Variants in EXT1 observed in about 807,000 individuals in gnomAD.
The protein encoded by EXT1 is exostosin glycosyltransferase 1.
In EXT1, 20 loss-of-function variants were observed where a neutral mutation model predicts 82.5. The observed-to-expected ratio is 0.24, with a 90% CI of 0.17 to 0.35. EXT1 has a LOEUF of 0.35. Ranked by LOEUF, EXT1 falls within the 10% of genes least tolerant of loss-of-function variation. EXT1 has a pLI of 1.00. For missense variants in EXT1, 757 were observed against 936.5 expected (o/e 0.81, Z 2.50); for synonymous variants, 348 against 350.8 (o/e 0.99, Z 0.09).
chr8:117,918,772 A>T (rs1206039109), intron 1 of EXT1, among the ~76,000 whole-genome samples: 1 of 152,226 alleles, frequency 6.6e-6, no homozygotes, highest in Non-Finnish European at 1.5e-5. Context: ...CATGGAATGG[A>T]AAAACAACCA....
chr8:118,022,289 T>C (rs2129859592), intron 1 of EXT1, among the ~76,000 whole-genome samples: 1 of 149,884 alleles, frequency 6.7e-6, no homozygotes, highest in Admixed American at 6.7e-5. Context: ...AGGCAATATA[T>C]TAAAAAAAGA....
At chr8:117,817,218 C>A in intron 7 of EXT1, among the ~76,000 whole-genome samples, 1 of 152,156 alleles carries the variant, frequency 6.6e-6, no homozygotes, top group Non-Finnish European at 1.5e-5. Flanking sequence ...ACACAGTAGG[C>A]ACTCATAAAT....
intron 1 of EXT1, among the ~76,000 whole-genome samples, chr8:117,933,470 T>A (rs1330003623): frequency 6.6e-6 from 1 of 152,160 alleles, no homozygotes; most frequent in Non-Finnish European, 1.5e-5. Context: ...GTTCTCCAAA[T>A]CGTGACCTCA....
intron 1 of EXT1, among the ~76,000 whole-genome samples, chr8:117,856,745 T>C (rs1336139086): frequency 6.6e-6 from 1 of 152,100 alleles, no homozygotes; most frequent in Non-Finnish European, 1.5e-5. Flanking sequence ...ATAAGATCAT[T>C]GATGAGGTGG....
intron 1 of EXT1, among the ~76,000 whole-genome samples, chr8:117,876,887 A>G (rs1812981214): frequency 6.6e-6 from 1 of 152,212 alleles, no homozygotes; most frequent in Non-Finnish European, 1.5e-5. Context: ...ACAAAATTGT[A>G]AAGGAATGTC....
At chr8:118,073,653 AG>A (rs1389145925) in intron 1 of EXT1, among the ~76,000 whole-genome samples, 1 of 127,318 alleles carries the variant, frequency 7.9e-6, no homozygotes, top group African/African-American at 2.9e-5. Flanking sequence ...AGAAGAGAAG[AG>A]AAGAGAAGAG....
intron 1 of EXT1, among the ~76,000 whole-genome samples, chr8:117,872,397 TA>T (rs879878821): frequency 9.3e-4 from 135 of 145,094 alleles, no homozygotes; most frequent in Admixed American, 1.4e-3. Context: ...ACTTGTGGAT[TA>T]AAAAAAAAAA....
At chr8:118,107,153 T>C (rs919308607) in intron 1 of EXT1, among the ~76,000 whole-genome samples, 1 of 152,092 alleles carries the variant, frequency 6.6e-6, no homozygotes, top group African/African-American at 2.4e-5. Flanking sequence ...AACATTTGTA[T>C]ATACTCTATA....
chr8:118,089,192 A>C (rs888413590), intron 1 of EXT1, among the ~76,000 whole-genome samples: 2 of 152,194 alleles, frequency 1.3e-5, no homozygotes, highest in Non-Finnish European at 2.9e-5. Context: ...ATAAGCATTT[A>C]AATTAGTTTT....
chr8:117,929,028 T>C (rs555743620), intron 1 of EXT1, among the ~76,000 whole-genome samples: 2 of 152,284 alleles, frequency 1.3e-5, no homozygotes, highest in Non-Finnish European at 2.9e-5. Flanking sequence ...TAAGTCTGAA[T>C]CCTTTCTCAT....
chr8:118,082,326 C>T (rs1817347449), intron 1 of EXT1, among the ~76,000 whole-genome samples: 1 of 152,196 alleles, frequency 6.6e-6, no homozygotes, highest in South Asian at 2.1e-4. Flanking sequence ...GAACAATTCT[C>T]ATGTAAGTTT....
chr8:118,068,989 T>A (rs1415413363), intron 1 of EXT1, among the ~76,000 whole-genome samples: 18 of 152,310 alleles, frequency 1.2e-4, no homozygotes, highest in Non-Finnish European at 4.4e-5. Flanking sequence ...GCTAATCTGC[T>A]GGAGAGGCCT....
intron 1 of EXT1, among the ~76,000 whole-genome samples, chr8:117,996,401 G>A (rs1259135378): frequency 6.6e-6 from 1 of 152,196 alleles, no homozygotes; most frequent in Admixed American, 6.5e-5. Flanking sequence ...GTTGCCCTAT[G>A]GCCATGTACG....
At position 118,111,640 on chromosome 8, in the gene EXT1, G is replaced by A. The variant is rs995531865; in HGVS notation, c.-594C>T. The A allele has an allele frequency of 4.8e-5, 19 of 393,766 alleles. No homozygotes were observed. Among genetic ancestry groups the A allele is most frequent in the African/African-American group, 1.4e-4 (7 of 48,528 alleles). The allele number at this position is 393,766 out of a possible 1,614,324, so 24.4% of individuals were successfully genotyped here. ...TCTGCAGCGGCTCCAAGACTCCGGC[G>A]GTGTTTACTCCTGCGCTCGCGGGGC... On this transcript the variant is annotated 5_prime_UTR_variant, in exon 1 of 11. Transcript: ENST00000378204.
intron 1 of EXT1, among the ~76,000 whole-genome samples, chr8:118,008,663 T>C (rs1489843202): frequency 1.3e-5 from 2 of 152,190 alleles, no homozygotes; most frequent in East Asian, 1.9e-4. Context: ...CAGTATCCTA[T>C]GGTATTGGCA....
chr8:117,909,354 G>A (rs555825002), intron 1 of EXT1, among the ~76,000 whole-genome samples: 1 of 152,260 alleles, frequency 6.6e-6, no homozygotes, highest in East Asian at 1.9e-4. Context: ...TATTGTAGAT[G>A]AGAACACTGG....
intron 1 of EXT1, among the ~76,000 whole-genome samples, chr8:117,858,822 A>C (rs1176469850): frequency 1.8e-4 from 7 of 39,410 alleles, no homozygotes; most frequent in Admixed American, 2.5e-4. Context: ...GGAAGGAAGG[A>C]AGGAAGGAAG....
At chr8:118,007,085 C>T (rs1205114983) in intron 1 of EXT1, among the ~76,000 whole-genome samples, 6 of 152,202 alleles carry the variant, frequency 3.9e-5, no homozygotes, top group Non-Finnish European at 7.3e-5. Flanking sequence ...ATCACGAGGT[C>T]AGGAGATCGA....
intron 1 of EXT1, among the ~76,000 whole-genome samples, chr8:117,923,583 A>G (rs1173969012): frequency 1.3e-5 from 2 of 151,494 alleles, no homozygotes; most frequent in South Asian, 2.1e-4. Context: ...AAAATTAGCC[A>G]GGCATGGTGG....
Sources: allele counts gnomAD v4.1 joint callset (sites outside exome capture counted in the v4.1 genomes callset), GRCh38; gene constraint gnomAD v4.1.1; transcripts MANE v1.5; gene names NCBI Gene and HGNC (gene_info 2026-07-23, HGNC 2026-07-21).